The following L3MBTL4 variants were observed in gnomAD, a reference collection of about 807,000 sequenced individuals.
The protein encoded by L3MBTL4 is L3MBTL histone methyl-lysine binding protein 4, also known as lethal(3)malignant brain tumor-like protein 4.
A neutral mutation model predicts 84.5 loss-of-function variants in L3MBTL4; 70 were observed. The observed-to-expected ratio is 0.83, with a 90% CI of 0.68 to 1.01. The LOEUF (loss-of-function observed/expected upper bound fraction) is 1.01, where lower values mean the gene tolerates loss of function less well. Ranked by LOEUF, L3MBTL4 falls within the 50% of genes least tolerant of loss-of-function variation. The pLI is 0.00. For missense variants in L3MBTL4, 715 were observed against 754.8 expected (o/e 0.95, Z 0.62); for synonymous variants, 274 against 259.8 (o/e 1.05, Z -0.52).
At chr18:6,266,874 G>C (rs1273996466) in intron 4 of L3MBTL4, among the ~76,000 whole-genome samples, 1 of 152,122 alleles carries the variant, frequency 6.6e-6, no homozygotes, top group Non-Finnish European at 1.5e-5. Context: ...AGTGAGTGAA[G>C]ATCGTGCCAT....
intron 16 of L3MBTL4, among the ~76,000 whole-genome samples, chr18:6,033,901 T>A (rs1348652538): frequency 6.6e-6 from 1 of 152,230 alleles, no homozygotes; most frequent in Non-Finnish European, 1.5e-5. Flanking sequence ...AAATGCATAG[T>A]CTGTTAAGTT....
intron 14 of L3MBTL4, among the ~76,000 whole-genome samples, chr18:6,128,402 G>A (rs2059771226): frequency 6.6e-6 from 1 of 152,024 alleles, no homozygotes; most frequent in African/African-American, 2.4e-5. Flanking sequence ...ACAATGAATG[G>A]ACAAAAGGCC....
At chr18:6,161,037 T>G (rs531410523) in intron 13 of L3MBTL4, among the ~76,000 whole-genome samples, 7 of 152,306 alleles carry the variant, frequency 4.6e-5, no homozygotes, top group African/African-American at 1.7e-4. Context: ...AGAGCAGGCA[T>G]GGTTTTTAGG....
chr18:6,308,215 G>C (rs964440685), intron 3 of L3MBTL4, among the ~76,000 whole-genome samples: 1 of 152,156 alleles, frequency 6.6e-6, no homozygotes, highest in Non-Finnish European at 1.5e-5. Flanking sequence ...CCCTCTTCAA[G>C]TCTGCAGCAG....
At chr18:6,366,805 A>C (rs1242724567) in intron 1 of L3MBTL4, among the ~76,000 whole-genome samples, 2 of 152,216 alleles carry the variant, frequency 1.3e-5, no homozygotes, top group Non-Finnish European at 2.9e-5. Context: ...TTCTCTCATC[A>C]TTTGCCTGCC....
chr18:6,071,765 GAAAGAAAGAAAGAA>G (rs2057640848), intron 16 of L3MBTL4, among the ~76,000 whole-genome samples: 1 of 68,294 alleles, frequency 1.5e-5, no homozygotes, highest in Non-Finnish European at 3.2e-5. Context: ...AAGAAAAAAA[GAAAGAAAGAAAGAA>G]AGAAAGAAAG....
intron 16 of L3MBTL4, among the ~76,000 whole-genome samples, chr18:5,992,088 C>T (rs373591267): frequency 1.1e-4 from 17 of 152,158 alleles, no homozygotes; most frequent in African/African-American, 4.1e-4. Flanking sequence ...TATTTTTTAC[C>T]CTCATGAACT....
In L3MBTL4 at chr18:6,243,274, G is replaced by A; in HGVS notation, c.460+20C>T. 6.7e-7 allele frequency: 1 copy of A among 1,499,310 alleles called. No individual in the cohort carries two copies. The highest frequency in any genetic ancestry group is 2.4e-5 in the East Asian group (1 of 41,088). The allele number at this position is 1,499,310 out of a possible 1,614,324, so 92.9% of individuals were successfully genotyped here. A position where few individuals can be genotyped will look rare whatever the true frequency, so the allele number is the denominator to read the frequency against. Reference sequence around the variant, plus strand: ...TACCAATTGATTCTCTTTCCAGTTGGTAAATGTATCCTGGCTTACCCTTAG... The same window carrying A: ...TACCAATTGATTCTCTTTCCAGTTGATAAATGTATCCTGGCTTACCCTTAG... On this transcript the variant is annotated intron_variant, in intron 7 of 18. Transcript: ENST00000317931.
chr18:6,353,523 T>C (rs1199864673), intron 1 of L3MBTL4, among the ~76,000 whole-genome samples: 6 of 152,278 alleles, frequency 3.9e-5, no homozygotes, highest in African/African-American at 1.4e-4. Context: ...TTTGGAGATA[T>C]GATCTTATAT....
intron 1 of L3MBTL4, among the ~76,000 whole-genome samples, chr18:6,357,185 C>G (rs1156857643): frequency 1.3e-5 from 2 of 152,048 alleles, no homozygotes; most frequent in Non-Finnish European, 2.9e-5. Flanking sequence ...AAGTCTATCC[C>G]CCAAAATTGT....
chr18:6,194,445 A>C (rs1315011447), intron 12 of L3MBTL4, among the ~76,000 whole-genome samples: 1 of 151,972 alleles, frequency 6.6e-6, no homozygotes, highest in Non-Finnish European at 1.5e-5. Context: ...TATTTTTAAA[A>C]TATTTTTTCA....
intron 14 of L3MBTL4, among the ~76,000 whole-genome samples, chr18:6,097,351 C>A (rs1438335285): frequency 1.3e-5 from 2 of 152,144 alleles, no homozygotes; most frequent in Non-Finnish European, 2.9e-5. Context: ...TATCTGATGA[C>A]AAATGAAAAA....
chr18:6,123,505 C>G (rs1403488443), intron 14 of L3MBTL4, among the ~76,000 whole-genome samples: 1 of 152,160 alleles, frequency 6.6e-6, no homozygotes, highest in African/African-American at 2.4e-5. Flanking sequence ...TGCATAGGCT[C>G]TCTTGCCAGC....
intron 1 of L3MBTL4, among the ~76,000 whole-genome samples, chr18:6,352,088 A>G (rs1959694310): frequency 7.0e-6 from 1 of 142,092 alleles, no homozygotes; most frequent in Non-Finnish European, 1.5e-5. Flanking sequence ...CAAGAAGGAA[A>G]GACAGGTGGG....
chr18:6,276,390 G>A lies in L3MBTL4; in HGVS notation c.128-12352C>T, dbSNP rs147051861. ...CAGTACCTTCTATGAGACAGACCCT[G>A]TGTTAGGTGACAATGACTCAAATAA... On this transcript the variant is annotated intron_variant, in intron 4 of 18. Transcript: ENST00000317931. Among the ~76,000 whole-genome samples, 6 of 152,272 alleles carry A rather than the reference G, an allele frequency of 3.9e-5. No homozygotes were observed. The East Asian group carries it at 1.2e-3, about 29-fold the overall frequency.
chr18:6,189,362 G>A (rs1171356316), intron 12 of L3MBTL4, among the ~76,000 whole-genome samples: 1 of 152,140 alleles, frequency 6.6e-6, no homozygotes, highest in Non-Finnish European at 1.5e-5. Context: ...GTCAAGAGGT[G>A]GACGAATCTT....
At chr18:6,083,004 G>A (rs2058130761) in intron 15 of L3MBTL4, among the ~76,000 whole-genome samples, 1 of 152,150 alleles carries the variant, frequency 6.6e-6, no homozygotes, top group Admixed American at 6.5e-5. Flanking sequence ...TACACATTGA[G>A]AGACTGGGCT....
chr18:6,250,585 C>A (rs753332303), intron 5 of L3MBTL4, among the ~76,000 whole-genome samples: 2 of 152,000 alleles, frequency 1.3e-5, no homozygotes, highest in South Asian at 4.2e-4. Context: ...TTCAAAGGCA[C>A]GGGTAGGCAG....
chr18:6,138,140 T>C, intron 14 of L3MBTL4, 54 bp downstream of exon 14: 2 of 1,229,090 alleles, frequency 1.6e-6, no homozygotes, highest in Non-Finnish European at 2.4e-6. Context: ...TAGCTGCTAA[T>C]CTGCAGAATG....
Sources: allele counts gnomAD v4.1 joint callset (sites outside exome capture counted in the v4.1 genomes callset), GRCh38; gene constraint gnomAD v4.1.1; transcripts MANE v1.5; gene names NCBI Gene and HGNC (gene_info 2026-07-23, HGNC 2026-07-21).